Variants in GPC5 observed in about 807,000 individuals in gnomAD.
GPC5 encodes glypican 5, also known as glypican-5.
Under a neutral mutation model 53.9 loss-of-function variants are expected in GPC5, and 47 were observed. The observed-to-expected ratio is 0.87, with a 90% CI of 0.69 to 1.11. The LOEUF is 1.11. Ranked by LOEUF, GPC5 falls within the 50% of genes most tolerant of loss-of-function variation. The pLI is 0.00. For synonymous variants in GPC5, 286 were observed against 263.3 expected (o/e 1.09, Z -0.84); for missense variants, 748 against 713.1 (o/e 1.05, Z -0.56).
intron 7 of GPC5, among the ~76,000 whole-genome samples, chr13:92,740,758 G>A (rs192305639): frequency 7.8e-4 from 118 of 151,780 alleles, no homozygotes; most frequent in African/African-American, 2.6e-3. Flanking sequence ...GGAAAGTATT[G>A]AGGAAATAAT....
chr13:92,228,495 G>A (rs1011679209), intron 7 of GPC5, among the ~76,000 whole-genome samples: 30 of 151,868 alleles, frequency 2.0e-4, no homozygotes, highest in Non-Finnish European at 1.0e-4. Flanking sequence ...AAAGTTACAC[G>A]AATTATCTAG....
intron 2 of GPC5, among the ~76,000 whole-genome samples, chr13:91,484,080 G>A (rs772794077): frequency 6.6e-6 from 1 of 152,062 alleles, no homozygotes; most frequent in African/African-American, 2.4e-5. Flanking sequence ...TTTGTAGAAC[G>A]TACTTTTTTT....
intron 7 of GPC5, among the ~76,000 whole-genome samples, chr13:92,458,789 A>G (rs1321856640): frequency 6.6e-6 from 1 of 152,112 alleles, no homozygotes; most frequent in Non-Finnish European, 1.5e-5. Flanking sequence ...CCTGGTCAGC[A>G]TGTACATATC....
chr13:91,461,366 A>T lies in GPC5; in HGVS notation c.325+12444A>T, dbSNP rs190619820. On this transcript the variant is annotated intron_variant, in intron 2 of 7. Transcript: ENST00000377067. ...TGTGGGAAACTGATTTTGTGATAGG[A>T]TAGGGAATATGCCTAAGGATTTAAG... Among the ~76,000 whole-genome samples the T allele has an allele frequency of 2.0e-5, 3 of 152,282 alleles. No homozygotes were observed. The East Asian group carries it at 5.8e-4, about 29-fold the overall frequency.
intron 7 of GPC5, among the ~76,000 whole-genome samples, chr13:92,267,478 G>A (rs1429075031): frequency 1.3e-5 from 2 of 151,924 alleles, no homozygotes; most frequent in African/African-American, 2.4e-5. Flanking sequence ...CACACTGTCC[G>A]GGTTTTTCAT....
chr13:91,699,969 T>A (rs1010156137), intron 3 of GPC5, among the ~76,000 whole-genome samples: 1 of 152,232 alleles, frequency 6.6e-6, no homozygotes, highest in Non-Finnish European at 1.5e-5. Flanking sequence ...TGTTTTCTGA[T>A]TAGAGGCAAG....
intron 2 of GPC5, among the ~76,000 whole-genome samples, chr13:91,599,384 T>G (rs2033102345): frequency 6.6e-6 from 1 of 152,168 alleles, no homozygotes; most frequent in African/African-American, 2.4e-5. Context: ...ATTTTTATCT[T>G]ATCATAAATC....
At chr13:92,093,492 T>C (rs2041397307) in intron 6 of GPC5, among the ~76,000 whole-genome samples, 2 of 152,180 alleles carry the variant, frequency 1.3e-5, no homozygotes, top group Non-Finnish European at 2.9e-5. Context: ...TATGCAAATG[T>C]GTTGGATTTT....
chr13:92,093,468 A>C (rs1439808251), intron 6 of GPC5, among the ~76,000 whole-genome samples: 1 of 152,188 alleles, frequency 6.6e-6, no homozygotes, highest in African/African-American at 2.4e-5. Context: ...ACATAGTTAT[A>C]TCAGAGAATT....
chr13:91,483,082 C>A (rs189018646), intron 2 of GPC5, among the ~76,000 whole-genome samples: 7 of 152,222 alleles, frequency 4.6e-5, no homozygotes, highest in Non-Finnish European at 1.0e-4. Flanking sequence ...TTAGTTTTCA[C>A]GTATATTTGT....
chr13:92,728,249 T>A (rs985982398), intron 7 of GPC5, among the ~76,000 whole-genome samples: 1 of 151,500 alleles, frequency 6.6e-6, no homozygotes, highest in Non-Finnish European at 1.5e-5. Context: ...GAAAGATTGA[T>A]GAGCATATCT....
chr13:91,594,994 ATTTATTTAT>A (rs2032941187), intron 2 of GPC5, among the ~76,000 whole-genome samples: 1 of 8,290 alleles, frequency 1.2e-4, no homozygotes, highest in Non-Finnish European at 5.9e-4. Context: ...ACATTTATTT[ATTTATTTAT>A]TTATTTATTT....
intron 2 of GPC5, among the ~76,000 whole-genome samples, chr13:91,672,480 A>G (rs1398372086): frequency 6.6e-6 from 1 of 151,866 alleles, no homozygotes; most frequent in African/African-American, 2.4e-5. Flanking sequence ...AAACATATGA[A>G]GAAAAGCTCA....
chr13:92,519,386 C>T (rs189798599), intron 7 of GPC5, among the ~76,000 whole-genome samples: 1 of 152,180 alleles, frequency 6.6e-6, no homozygotes, highest in African/African-American at 2.4e-5. Context: ...AAGTAAAACA[C>T]TCCTCAGCAA....
At chr13:92,803,361 A>T (rs191265893) in intron 7 of GPC5, among the ~76,000 whole-genome samples, 81 of 152,058 alleles carry the variant, frequency 5.3e-4, no homozygotes, top group Admixed American at 3.9e-3. Context: ...CTCAAAAGAC[A>T]GGGCCTACTT....
chr13:92,023,730 T>C (rs2040778580), intron 6 of GPC5, among the ~76,000 whole-genome samples: 1 of 151,526 alleles, frequency 6.6e-6, no homozygotes, highest in Non-Finnish European at 1.5e-5. Context: ...TTTAGTCAAG[T>C]TTATTTATCA....
chr13:92,000,121 T>C (rs1049617423), intron 6 of GPC5, among the ~76,000 whole-genome samples: 22 of 152,174 alleles, frequency 1.4e-4, no homozygotes, highest in Non-Finnish European at 2.2e-4. Context: ...ACAATCTGTT[T>C]TAATCTGGGA....
At chr13:92,581,737 AT>A (rs1883378790) in intron 7 of GPC5, among the ~76,000 whole-genome samples, 1 of 152,046 alleles carries the variant, frequency 6.6e-6, no homozygotes, top group Admixed American at 6.6e-5. Flanking sequence ...TTGTCATTCA[AT>A]TTTTTGATAA....
chr13:91,674,525 G>GTATGTGTATATATACGCATATATATGCC (rs2035329718), intron 2 of GPC5, among the ~76,000 whole-genome samples: 1 of 136,452 alleles, frequency 7.3e-6, no homozygotes, highest in Non-Finnish European at 1.6e-5. Context: ...ACATATATGC[G>GTATGTGTATATATACGCATATATATGCC]TATGTGTATA....
Sources: allele counts gnomAD v4.1 joint callset (sites outside exome capture counted in the v4.1 genomes callset), GRCh38; gene constraint gnomAD v4.1.1; transcripts MANE v1.5; gene names NCBI Gene and HGNC (gene_info 2026-07-23, HGNC 2026-07-21).